The following THAP8 variants were observed in gnomAD, a reference collection of about 807,000 sequenced individuals.
The protein encoded by THAP8 is THAP domain-containing protein 8.
In THAP8, 24 loss-of-function variants were observed where a neutral mutation model predicts 25.0. That is an observed-to-expected ratio of 0.96 (90% CI 0.69 to 1.35). The LOEUF is 1.35. Among genes scored for constraint, THAP8 ranks in the 40% most tolerant of loss-of-function variants. The pLI, the probability that THAP8 is intolerant of heterozygous loss-of-function variation, is 0.00. For missense variants in THAP8, 399 were observed against 368.8 expected, an observed-to-expected ratio of 1.08 and a Z score of -0.67; for synonymous variants, 169 against 157.6, an observed-to-expected ratio of 1.07 and a Z score of -0.54.
rs1312717236 is a variant in THAP8 at position 36,035,315 on chromosome 19, C to A, written c.*125G>T. 2 of 1,293,158 alleles carry A rather than the reference C, an allele frequency of 1.5e-6. No homozygotes were observed. Among genetic ancestry groups the A allele is most frequent in the Non-Finnish European group, 1.1e-6 (1 of 950,924 alleles). The allele number at this position is 1,293,158 out of a possible 1,614,324, so 80.1% of individuals were successfully genotyped here. A position where few individuals can be genotyped will look rare whatever the true frequency, so the allele number is the denominator to read the frequency against. ...TCCCTAGGAGTGGGGTGGTAGAACC[C>A]AGGCCCTTGAGGGAGGCACTGCTAC... is the stretch of plus-strand genomic sequence containing the variant. On this transcript the variant is annotated 3_prime_UTR_variant, in exon 4 of 4. Coordinates refer to ENST00000292894, the MANE Select transcript of THAP8 (RefSeq NM_152658.3).
At chr19:36,043,660 C>A (rs900879623) in intron 1 of THAP8, among the ~76,000 whole-genome samples, 2 of 152,034 alleles carry the variant, frequency 1.3e-5, no homozygotes, top group East Asian at 3.9e-4. Flanking sequence ...TGCAGTCAGA[C>A]CTCAAGTGAT....
At chr19:36,053,688 A>G (rs182491873) in intron 1 of THAP8, among the ~76,000 whole-genome samples, 2 of 152,288 alleles carry the variant, frequency 1.3e-5, no homozygotes, top group East Asian at 3.9e-4. Context: ...AAGTATGACG[A>G]AAGAGGTAAG....
At chr19:36,036,241 T>C (rs1373983109) in intron 3 of THAP8, among the ~76,000 whole-genome samples, 1 of 149,700 alleles carries the variant, frequency 6.7e-6, no homozygotes, top group Non-Finnish European at 1.5e-5. Context: ...CCAGTGCTGC[T>C]AGATATGCAG....
rs544378947 is a variant in THAP8, at chr19:36,041,495, T to C, written c.84-1359A>G. On this transcript the variant is annotated intron_variant, in intron 1 of 3. Coordinates refer to ENST00000292894, the MANE Select transcript of THAP8 (RefSeq NM_152658.3). ...GGTGTGGGCAGGGCAGGGAAGAAGA[T>C]TGGCAAAGTGTTGATAACTAGTGAC... 1.5e-4 allele frequency among the ~76,000 whole-genome samples: 23 copies of C among 152,216 alleles called. No individual in the cohort carries two copies. In the East Asian group the frequency reaches 3.5e-3, roughly 23 times the overall value.
chr19:36,039,475 C>G lies in THAP8; in HGVS notation c.520G>C (p.Gly174Arg). Residue 174 changes from glycine to arginine, a missense_variant, in exon 3 of 4, where the codon GGC becomes CGC. Coordinates refer to ENST00000292894, the MANE Select transcript of THAP8 (RefSeq NM_152658.3). ...CGTTGCAGTGCTCCCAGCACTGGGC[C>G]CAGCCCGGTCTGGGCCTGTTGGGCA... The part of the protein sequence containing the change: ...VPAQQAQTGL[G>R]PVLGALQRRV... 6.3e-7 allele frequency: 1 copy of G among 1,597,748 alleles called. No individual in the cohort carries two copies. Among genetic ancestry groups the G allele is most frequent in the Non-Finnish European group, 8.5e-7 (1 of 1,170,744 alleles).
intron 3 of THAP8, among the ~76,000 whole-genome samples, chr19:36,036,273 T>C (rs921262825): frequency 5.6e-5 from 1 of 17,850 alleles, no homozygotes. Context: ...AAGACCAGAC[T>C]TTTTTTTTTT....
At chr19:36,047,101 C>T (rs79503909) in intron 1 of THAP8, among the ~76,000 whole-genome samples, 1,722 of 152,318 alleles carry the variant, frequency 0.011, 30 homozygotes, top group African/African-American at 0.038. Context: ...AAGTGTTCCC[C>T]TTTGTATGCA....
chr19:36,035,527 G>T lies in THAP8; in HGVS notation c.738C>A (p.Asp246Glu). ...GGTCCTGGGCAAGGACCATGGCTAT[G>T]TCAGGCCCTCCACAGATGATGGTGA... ...QTFTIICGGPDIAMVLAQDPA... is the reference protein window; with the variant it reads ...QTFTIICGGPEIAMVLAQDPA... The change falls in exon 4 of 4, where the codon GAC (aspartate) becomes GAA (glutamate). Residue 246 changes from aspartate (D) to glutamate (E), a missense_variant. Physicochemically the swap from Asp to Glu is conservative, Grantham distance 45. Coordinates refer to ENST00000292894, the MANE Select transcript of THAP8 (RefSeq NM_152658.3). The T allele has an allele frequency of 6.2e-7, 1 of 1,614,200 alleles. No homozygotes were observed. Among genetic ancestry groups the T allele is most frequent in the Non-Finnish European group, 8.5e-7 (1 of 1,180,038 alleles).
chr19:36,037,232 A>G (rs1969489155), intron 3 of THAP8, among the ~76,000 whole-genome samples: 1 of 140,532 alleles, frequency 7.1e-6, no homozygotes, highest in South Asian at 2.3e-4. Flanking sequence ...CCCTTCCTCA[A>G]CTTCCTCCCC....
chr19:36,035,491 G>A lies in THAP8; in HGVS notation c.774C>T (p.Ala258=). Residue 258 remains alanine, a synonymous_variant, in exon 4 of 4, where the codon GCC becomes GCT. Transcript: ENST00000292894. ...GGAGCTCCGGCTTGGCATCCACTGT[G>A]GCAGGTGCAGGGTCCTGGGCAAGGA... ...AMVLAQDPAP[A]TVDAKPELLD... The A allele has an allele frequency of 1.2e-6, 2 of 1,614,170 alleles. No homozygotes were observed. Among genetic ancestry groups the A allele is most frequent in the Non-Finnish European group, 1.7e-6 (2 of 1,180,020 alleles).
chr19:36,039,292 G>A (rs1969591272), intron 3 of THAP8, 31 bp downstream of exon 3: 2 of 1,435,954 alleles, frequency 1.4e-6, no homozygotes, highest in East Asian at 2.6e-5. Context: ...ACCACCCATG[G>A]ATGGGGCTGC....
intron 3 of THAP8, among the ~76,000 whole-genome samples, chr19:36,038,608 T>A (rs1403986029): frequency 6.6e-6 from 1 of 152,148 alleles, no homozygotes; most frequent in African/African-American, 2.4e-5. Context: ...TACCAGCATT[T>A]TGGGACGCCA....
intron 3 of THAP8, among the ~76,000 whole-genome samples, chr19:36,036,175 C>G (rs1969434793): frequency 6.6e-6 from 1 of 152,072 alleles, no homozygotes; most frequent in South Asian, 2.1e-4. Flanking sequence ...ACTTCAAGGC[C>G]CCAGAGGCAG....
intron 3 of THAP8, among the ~76,000 whole-genome samples, chr19:36,037,658 A>G (rs1048332804): frequency 2.0e-5 from 3 of 152,016 alleles, no homozygotes; most frequent in African/African-American, 7.3e-5. Context: ...TTGTTTTTTG[A>G]GATGGAGTGT....
chr19:36,048,614 C>T (rs907189698), intron 1 of THAP8, among the ~76,000 whole-genome samples: 3 of 151,944 alleles, frequency 2.0e-5, no homozygotes, highest in African/African-American at 7.3e-5. Context: ...ATCCACTTGC[C>T]TCAACCTTCC....
At chr19:36,051,622 C>T (rs1228490335) in intron 1 of THAP8, among the ~76,000 whole-genome samples, 1 of 152,124 alleles carries the variant, frequency 6.6e-6, no homozygotes. Context: ...AAGGGAGAGC[C>T]AACTGGATTT....
rs748542440 is a variant in THAP8, at chr19:36,050,266, T to C, written c.83+3869A>G. Among the ~76,000 whole-genome samples, 170 of 152,184 alleles carry C rather than the reference T, an allele frequency of 1.1e-3. 1 individual carries two copies. Among genetic ancestry groups the C allele is most frequent in the Non-Finnish European group, 2.2e-3 (149 of 68,004 alleles). On this transcript the variant is annotated intron_variant, in intron 1 of 3. Transcript: ENST00000292894. ...ATCCAGTGATTCTCTCACCTCACTG[T>C]CTCATGTAGCTGGAACTACAGGTGT...
At chr19:36,054,073 G>A (rs1970193247) in intron 1 of THAP8, 62 bp downstream of exon 1, 1 of 1,558,508 alleles carries the variant, frequency 6.4e-7, no homozygotes. Flanking sequence ...CAGCACTAAT[G>A]CTCGGGCCCC....
intron 1 of THAP8, among the ~76,000 whole-genome samples, chr19:36,047,277 C>T (rs1969910742): frequency 6.6e-6 from 1 of 152,050 alleles, no homozygotes. Flanking sequence ...GATTAAATGC[C>T]CAGTTTTTAA....
Sources: gnomAD v4.1 joint callset for allele counts (sites outside exome capture counted in the v4.1 genomes callset) on GRCh38, gnomAD v4.1.1 for gene constraint, MANE v1.5 for transcripts, NCBI Gene and HGNC (gene_info 2026-07-23, HGNC 2026-07-21) for gene names.